SLC23A2: variants seen among roughly 807,000 people sequenced by gnomAD.
SLC23A2 encodes Na(+)/L-ascorbic acid transporter 2.
In SLC23A2, 36 loss-of-function variants were observed where a neutral mutation model predicts 73.3. The observed-to-expected ratio is 0.49, with a 90% CI of 0.38 to 0.65. The LOEUF (loss-of-function observed/expected upper bound fraction) is 0.65. Ranked by LOEUF, SLC23A2 falls within the 30% of genes least tolerant of loss-of-function variation. SLC23A2 has a pLI of 0.00. For missense variants in SLC23A2, 507 were observed against 841.6 expected (o/e 0.60, Z 4.92); for synonymous variants, 343 against 327.3 (o/e 1.05, Z -0.52).
intron 13 of SLC23A2, among the ~76,000 whole-genome samples, chr20:4,866,061 G>C (rs991519140): frequency 2.0e-5 from 3 of 152,148 alleles, no homozygotes; most frequent in Admixed American, 6.5e-5. Context: ...TCGAACTCCT[G>C]ACCTCAGGTG....
At chr20:4,970,513 G>A (rs889150222) in intron 2 of SLC23A2, among the ~76,000 whole-genome samples, 2 of 151,966 alleles carry the variant, frequency 1.3e-5, no homozygotes, top group African/African-American at 4.8e-5. Context: ...CAGGAGGATC[G>A]CTTGAGCCCA....
chr20:4,861,714 G>C (rs75002764), intron 15 of SLC23A2, among the ~76,000 whole-genome samples: 10,140 of 152,152 alleles, frequency 0.067, 407 homozygotes, highest in Non-Finnish European at 0.09. Flanking sequence ...CAAAGGAGAG[G>C]GTCCCAGTGA....
At chr20:4,980,613 C>T (rs1283201526) in intron 1 of SLC23A2, among the ~76,000 whole-genome samples, 1 of 151,436 alleles carries the variant, frequency 6.6e-6, no homozygotes, top group East Asian at 1.9e-4. Context: ...CTCACTGCAA[C>T]CTCCGCCTCC....
At chr20:4,983,435 A>C (rs1231787005) in intron 1 of SLC23A2, among the ~76,000 whole-genome samples, 1 of 149,710 alleles carries the variant, frequency 6.7e-6, no homozygotes, top group Non-Finnish European at 1.5e-5. Context: ...TCACAAGGTG[A>C]GGAGATCGAG....
chr20:5,003,855 G>C (rs1402912869), upstream of SLC23A2, among the ~76,000 whole-genome samples: 1 of 152,018 alleles, frequency 6.6e-6, no homozygotes, highest in Non-Finnish European at 1.5e-5. Flanking sequence ...ACCAATTACA[G>C]GTTTACAGTC....
In SLC23A2 at chr20:4,859,243, T is replaced by TAAAAA. The variant is rs781271986; in HGVS notation, c.1720+45_1720+46insTTTTT. 1.4e-4 allele frequency: 151 copies of TAAAAA among 1,076,074 alleles called. 10 individuals are homozygous for TAAAAA. The highest frequency in any genetic ancestry group is 4.5e-4 in the Middle Eastern group (2 of 4,432). 66.7% of individuals were successfully genotyped at this position (1,076,074 alleles called of 1,614,324 possible). ...TTTGGCAAAAAAAGTAACACATATG[T>TAAAAA]TAAAAAATAAAAAAAAAAAAAGTGT... is the stretch of plus-strand genomic sequence containing the variant. On this transcript the variant is annotated intron_variant, in intron 16 of 16. Coordinates refer to ENST00000338244, the MANE Select transcript of SLC23A2 (RefSeq NM_005116.6).
At position 4,883,838 on chromosome 20, in the gene SLC23A2, G is replaced by A; in HGVS notation, c.643-15C>T. 6.3e-7 allele frequency: 1 copy of A among 1,592,900 alleles called. No individual in the cohort carries two copies. The highest frequency in any genetic ancestry group is 1.7e-4 in the Middle Eastern group (1 of 5,982). On this transcript the variant is annotated splice_polypyrimidine_tract_variant and intron_variant, in intron 8 of 16. Transcript: ENST00000338244. This position sits in a 1 kb window ranked among gnomAD's most constrained non-coding sequence, Gnocchi z 4.5. ...GCCCCCTGGATCTGCAACAAGAGAT[G>A]GCACAGACATGAGAGTGAGCTGCTT...
intron 2 of SLC23A2, among the ~76,000 whole-genome samples, chr20:4,944,026 C>T (rs931773035): frequency 6.6e-6 from 1 of 152,144 alleles, no homozygotes; most frequent in African/African-American, 2.4e-5. Flanking sequence ...AAGGATGGAA[C>T]CTTTGGAATG....
At chr20:4,985,009 T>G (rs1030068651) in intron 1 of SLC23A2, among the ~76,000 whole-genome samples, 2 of 151,944 alleles carry the variant, frequency 1.3e-5, no homozygotes, top group African/African-American at 2.4e-5. Context: ...TGGTGGCACG[T>G]GCCTGTAGTT....
In SLC23A2 at chr20:4,951,033, C is replaced by G. The variant is rs917481926; in HGVS notation, c.-154-18317G>C. On this transcript the variant is annotated intron_variant, in intron 2 of 16. Coordinates refer to ENST00000338244, the MANE Select transcript of SLC23A2 (RefSeq NM_005116.6). ...CCCACCACCACAAGCGCCCAGAACACAGGTCCGCACATGACACATCCAACC... is the reference window on the plus strand; with the variant it reads ...CCCACCACCACAAGCGCCCAGAACAGAGGTCCGCACATGACACATCCAACC... 5.9e-5 allele frequency among the ~76,000 whole-genome samples: 9 copies of G among 152,264 alleles called. 1 individual carries two copies. In the South Asian group the frequency reaches 1.9e-3, roughly 32 times the overall value.
In SLC23A2 at chr20:4,872,353, A is replaced by G. The variant is rs905282701; in HGVS notation, c.1102+1583T>C. On this transcript the variant is annotated intron_variant, in intron 11 of 16. Coordinates refer to ENST00000338244, the MANE Select transcript of SLC23A2 (RefSeq NM_005116.6). This position sits in a 1 kb window ranked among gnomAD's most constrained non-coding sequence, Gnocchi z 4.4. ...GTACCCCACCAGCCCTCGGCAGGCC[A>G]GGAGCCCTACGTGCTCGCTCACGGC... is the stretch of plus-strand genomic sequence containing the variant. 6.6e-6 allele frequency among the ~76,000 whole-genome samples: 1 copy of G among 152,188 alleles called. No individual in the cohort carries two copies. Among genetic ancestry groups the G allele is most frequent in the African/African-American group, 2.4e-5 (1 of 41,448 alleles).
At chr20:4,939,077 A>G (rs1208540028) in intron 2 of SLC23A2, among the ~76,000 whole-genome samples, 1 of 152,162 alleles carries the variant, frequency 6.6e-6, no homozygotes, top group African/African-American at 2.4e-5. Context: ...CCCCATCTGT[A>G]CAAAAAAAAA....
rs56931121 is a variant in SLC23A2 at position 4,966,809 on chromosome 20, TACACACACACACAC to T, written c.-155+3970_-155+3983del. ...TGGATGTGTAAACTTTTGATAGTTT[TACACACACACACAC>T]ACACACACACACACACACACACACA... On this transcript the variant is annotated intron_variant, in intron 2 of 16. Coordinates refer to ENST00000338244, the MANE Select transcript of SLC23A2 (RefSeq NM_005116.6). 9.9e-3 allele frequency among the ~76,000 whole-genome samples: 1,083 copies of T among 109,804 alleles called. 18 individuals carry two copies. Among genetic ancestry groups the T allele is most frequent in the African/African-American group, 0.028 (921 of 32,704 alleles). 72.0% of individuals were successfully genotyped at this position (109,804 alleles called of 152,430 possible).
intron 2 of SLC23A2, among the ~76,000 whole-genome samples, chr20:4,933,937 C>T (rs1218480322): frequency 6.6e-6 from 1 of 152,108 alleles, no homozygotes; most frequent in Non-Finnish European, 1.5e-5. Flanking sequence ...TCATGGGACA[C>T]TTCATTCAAT....
rs1930297464 is a variant in SLC23A2, at chr20:4,868,518, T to C, written c.1251-643A>G. Reference sequence around the variant, plus strand: ...CAGAAAATAAAGCCATTTGTTGGGGTATAAGACAAACATGGGCCGTCTATG... The same window carrying C: ...CAGAAAATAAAGCCATTTGTTGGGGCATAAGACAAACATGGGCCGTCTATG... On this transcript the variant is annotated intron_variant, in intron 12 of 16. Transcript: ENST00000338244. This position sits in a 1 kb window ranked among gnomAD's most constrained non-coding sequence, Gnocchi z 4.4. Among the ~76,000 whole-genome samples, 1 of 152,204 alleles carries C rather than the reference T, an allele frequency of 6.6e-6. No individual in the cohort carries two copies. The highest frequency in any genetic ancestry group is 2.1e-4 in the South Asian group (1 of 4,838).
intron 1 of SLC23A2, among the ~76,000 whole-genome samples, chr20:4,983,488 T>C (rs995981133): frequency 1.3e-4 from 19 of 146,198 alleles, no homozygotes; most frequent in African/African-American, 5.0e-4. Context: ...CTACTAAAAA[T>C]ACAAAAATTT....
At chr20:4,999,805 C>A (rs1227895017) in intron 1 of SLC23A2, among the ~76,000 whole-genome samples, 3 of 152,216 alleles carry the variant, frequency 2.0e-5, no homozygotes, top group African/African-American at 7.2e-5. Flanking sequence ...ATCTAAAATA[C>A]TGTCAACATA....
chr20:4,904,462 A>AACC (rs1435156381), intron 4 of SLC23A2, among the ~76,000 whole-genome samples: 3 of 74,368 alleles, frequency 4.0e-5, no homozygotes, highest in Non-Finnish European at 7.0e-5. Context: ...AGAAAAAAAC[A>AACC]AACAAAAAAA....
At chr20:4,913,103 A>G in intron 3 of SLC23A2, 125 bp from the exon 4 acceptor site, 2 of 682,272 alleles carry the variant, frequency 2.9e-6, no homozygotes, top group Non-Finnish European at 5.3e-6. Context: ...AACATACTCC[A>G]TGTACCGTAT....
Sources: gnomAD v4.1 joint callset for allele counts (sites outside exome capture counted in the v4.1 genomes callset) on GRCh38, gnomAD v4.1.1 for gene constraint, Gnocchi (gnomAD v3.1) non-coding constraint, MANE v1.5 for transcripts, NCBI Gene and HGNC (gene_info 2026-07-23, HGNC 2026-07-21) for gene names.